The following TAF4B variants were observed in gnomAD, a reference collection of about 807,000 sequenced individuals.
The protein encoded by TAF4B is TATA-box binding protein associated factor 4b.
TAF4B carries 38 observed loss-of-function variants against 86.4 expected under a neutral mutation model. The ratio of observed to expected loss-of-function variants is 0.44; its 90% CI spans 0.34 to 0.58. The LOEUF (loss-of-function observed/expected upper bound fraction) is 0.58. TAF4B is among the 20% of genes least tolerant of loss of function. The pLI is 0.02. For missense variants in TAF4B, 988 were observed against 1,027.6 expected (o/e 0.96, Z 0.53); for synonymous variants, 388 against 391.2 (o/e 0.99, Z 0.10).
chr18:26,308,181 G>T (rs193237008), intron 9 of TAF4B, among the ~76,000 whole-genome samples: 1 of 152,270 alleles, frequency 6.6e-6, no homozygotes, highest in East Asian at 1.9e-4. Context: ...CTGAGCTCCG[G>T]AAGTGAAGGC....
intron 5 of TAF4B, among the ~76,000 whole-genome samples, chr18:26,275,952 G>T (rs746071642): frequency 9.1e-4 from 136 of 148,846 alleles, no homozygotes; most frequent in Non-Finnish European, 1.7e-3. Flanking sequence ...GGAGGCAGAG[G>T]TTACAGTAAG....
chr18:26,261,326 A>G (rs1040311863), intron 1 of TAF4B, among the ~76,000 whole-genome samples: 2 of 149,894 alleles, frequency 1.3e-5, no homozygotes, highest in South Asian at 2.1e-4. Context: ...TCAGCCTCCC[A>G]AGTAGCTGGG....
chr18:26,249,023 T>C (rs958432605), intron 1 of TAF4B, among the ~76,000 whole-genome samples: 3 of 150,386 alleles, frequency 2.0e-5, no homozygotes, highest in Admixed American at 2.0e-4. Context: ...AATACAAAAA[T>C]TAGCTGGGCG....
intron 7 of TAF4B, among the ~76,000 whole-genome samples, chr18:26,289,302 A>G (rs2056564086): frequency 6.6e-6 from 1 of 152,242 alleles, no homozygotes; most frequent in Non-Finnish European, 1.5e-5. Context: ...CATGCAGCTT[A>G]TAAGAAATAT....
intron 12 of TAF4B, among the ~76,000 whole-genome samples, chr18:26,329,049 C>T (rs2057030340): frequency 1.3e-5 from 2 of 151,462 alleles, no homozygotes; most frequent in Admixed American, 1.3e-4. Context: ...CCTTTCTTTC[C>T]TCTTTCTCTT....
At chr18:26,322,193 CT>C (rs1212594915) in intron 11 of TAF4B, among the ~76,000 whole-genome samples, 2 of 152,036 alleles carry the variant, frequency 1.3e-5, no homozygotes, top group African/African-American at 4.8e-5. Flanking sequence ...CCGTGATATC[CT>C]AGTCAAAGGT....
chr18:26,361,076 AC>A (rs1372463265), intron 14 of TAF4B, among the ~76,000 whole-genome samples: 1 of 152,030 alleles, frequency 6.6e-6, no homozygotes, highest in Non-Finnish European at 1.5e-5. Flanking sequence ...TTAGTATCAA[AC>A]CTTTTTTTTA....
chr18:26,319,519 TAAG>T (rs765170953), intron 10 of TAF4B, among the ~76,000 whole-genome samples: 1 of 152,042 alleles, frequency 6.6e-6, no homozygotes, highest in Non-Finnish European at 1.5e-5. Flanking sequence ...AAAATAAAAA[TAAG>T]AAATAAAATT....
At chr18:26,276,561 C>G (rs1025820697) in intron 5 of TAF4B, among the ~76,000 whole-genome samples, 1 of 152,030 alleles carries the variant, frequency 6.6e-6, no homozygotes, top group Non-Finnish European at 1.5e-5. Flanking sequence ...TATTAAAATA[C>G]CTTCTTTACT....
chr18:26,331,538 G>A (rs1330513466), intron 12 of TAF4B, among the ~76,000 whole-genome samples: 3 of 152,088 alleles, frequency 2.0e-5, no homozygotes, highest in Admixed American at 1.3e-4. Context: ...AACAGCTCCT[G>A]TTATTCCTCT....
chr18:26,255,678 C>A, intron 1 of TAF4B: 2 of 1,469,770 alleles, frequency 1.4e-6, no homozygotes, highest in South Asian at 1.3e-5. Context: ...TGTTCCCCTT[C>A]TACATAAAAA....
chr18:26,303,028 CTTT>C (rs1031513212), intron 9 of TAF4B, among the ~76,000 whole-genome samples: 4 of 151,840 alleles, frequency 2.6e-5, no homozygotes, highest in Non-Finnish European at 5.9e-5. Context: ...TCTCCTTCTT[CTTT>C]ATTTCCTTTT....
intron 13 of TAF4B, among the ~76,000 whole-genome samples, chr18:26,344,770 A>G (rs144606737): frequency 3.5e-4 from 54 of 152,246 alleles, no homozygotes; most frequent in Admixed American, 8.5e-4. Flanking sequence ...GAGGCAATGA[A>G]TAAACAGATA....
chr18:26,304,396 A>G (rs919246684), intron 9 of TAF4B, among the ~76,000 whole-genome samples: 1 of 152,226 alleles, frequency 6.6e-6, no homozygotes, highest in Non-Finnish European at 1.5e-5. Flanking sequence ...AATCTCAAGA[A>G]TGAGCAAGAA....
At chr18:26,304,919 T>C (rs1598781221) in intron 9 of TAF4B, 1 of 972,748 alleles carries the variant, frequency 1.0e-6, no homozygotes, top group East Asian at 1.1e-4. Context: ...CCCATTTATC[T>C]GTTGACTACT....
chr18:26,279,765 A>G (rs1020118421), intron 5 of TAF4B, among the ~76,000 whole-genome samples: 1 of 152,136 alleles, frequency 6.6e-6, no homozygotes, highest in Non-Finnish European at 1.5e-5. Context: ...GGGCCTGGCC[A>G]CAGTGGCTCA....
intron 1 of TAF4B, among the ~76,000 whole-genome samples, chr18:26,246,539 G>GTTT (rs112614474): frequency 1.7e-4 from 26 of 150,858 alleles, no homozygotes; most frequent in Non-Finnish European, 2.8e-4. Flanking sequence ...TTGTTTTTGT[G>GTTT]GTTTTTTTTT....
chr18:26,244,358 C>T (rs1469554899), intron 1 of TAF4B, among the ~76,000 whole-genome samples: 2 of 152,242 alleles, frequency 1.3e-5, no homozygotes, highest in East Asian at 1.9e-4. Flanking sequence ...GTTCTGTGGG[C>T]GTGGGACCCT....
intron 13 of TAF4B, among the ~76,000 whole-genome samples, chr18:26,342,129 C>T (rs9304495): frequency 0.29 from 44,738 of 151,804 alleles, 7,038 homozygotes; most frequent in African/African-American, 0.36. Flanking sequence ...GTGTACTTAA[C>T]GTTAATTGTG....
Sources: allele counts gnomAD v4.1 joint callset (sites outside exome capture counted in the v4.1 genomes callset), GRCh38; gene constraint gnomAD v4.1.1; transcripts MANE v1.5; gene names NCBI Gene and HGNC (gene_info 2026-07-23, HGNC 2026-07-21).